SYNE2: variants seen among roughly 807,000 people sequenced by gnomAD.
SYNE2 encodes spectrin repeat containing nuclear envelope protein 2, also known as nesprin-2.
In SYNE2, 431 loss-of-function variants were observed where a neutral mutation model predicts 856.3. That is an observed-to-expected ratio of 0.50 (90% CI 0.47 to 0.55). The LOEUF is 0.55. SYNE2 is among the 20% of genes least tolerant of loss of function. SYNE2 has a pLI of 0.00. For missense variants in SYNE2, 8,129 were observed against 8,023.2 expected, an observed-to-expected ratio of 1.01 and a Z score of -0.50; for synonymous variants, 2,923 against 2,872.3, an observed-to-expected ratio of 1.02 and a Z score of -0.56.
chr14:63,911,424 A>G (rs2095472271), intron 2 of SYNE2, among the ~76,000 whole-genome samples: 2 of 152,182 alleles, frequency 1.3e-5, no homozygotes, highest in African/African-American at 4.8e-5. Flanking sequence ...TCTTCCCCAC[A>G]GCAGGGGACA....
At chr14:63,997,677 T>C (rs985424407) in intron 25 of SYNE2, among the ~76,000 whole-genome samples, 3 of 152,196 alleles carry the variant, frequency 2.0e-5, no homozygotes, top group Non-Finnish European at 2.9e-5. Context: ...ATATTGTTAT[T>C]GAGGGTAGAA....
At chr14:64,000,836 A>G (rs2096748311) in intron 28 of SYNE2, 117 bp downstream of exon 28, 2 of 909,422 alleles carry the variant, frequency 2.2e-6, no homozygotes, top group Non-Finnish European at 3.4e-6. Context: ...TGTCACAACA[A>G]CAGTAAGAGA....
At chr14:63,930,737 T>C (rs2095742568) in intron 2 of SYNE2, among the ~76,000 whole-genome samples, 1 of 152,172 alleles carries the variant, frequency 6.6e-6, no homozygotes, top group Non-Finnish European at 1.5e-5. Context: ...GGTTTCACCA[T>C]GTTGACCAGG....
chr14:64,002,862 G>A lies in SYNE2; in HGVS notation c.3929G>A (p.Gly1310Glu). ...CTGAAATACAAAACACAATTTGAAG[G>A]AATGAACCACAGGGTGCAGAGGAGT... The part of the protein sequence containing the change: ...IILKYKTQFE[G>E]MNHRVQRSED... The change falls in exon 30 of 116, where the codon GGA (glycine) becomes GAA (glutamate). Residue 1310 changes from glycine (G) to glutamate (E), a missense_variant. Gly to Glu is a moderately conservative substitution (Grantham distance 98). Transcript: ENST00000555002. 6.2e-7 allele frequency: 1 copy of A among 1,614,168 alleles called. No individual in the cohort carries two copies. The highest frequency in any genetic ancestry group is 2.2e-5 in the East Asian group (1 of 44,884).
intron 7 of SYNE2, among the ~76,000 whole-genome samples, chr14:63,953,431 G>C (rs2096194553): frequency 1.3e-5 from 2 of 152,206 alleles, no homozygotes; most frequent in Non-Finnish European, 2.9e-5. Context: ...GATGAGAGAA[G>C]CAGGCAGGGG....
chr14:64,090,321 ATAT>A (rs2097599573), intron 59 of SYNE2, among the ~76,000 whole-genome samples: 1 of 152,226 alleles, frequency 6.6e-6, no homozygotes, highest in South Asian at 2.1e-4. Context: ...AAATGAAATG[ATAT>A]TATATGAGAT....
chr14:64,194,818 G>A (rs542452975), intron 99 of SYNE2, among the ~76,000 whole-genome samples: 1 of 152,338 alleles, frequency 6.6e-6, no homozygotes, highest in East Asian at 1.9e-4. Context: ...CCAAAGCTCT[G>A]AAAAGACGGT....
chr14:64,181,211 C>G (rs1246733179), intron 96 of SYNE2, among the ~76,000 whole-genome samples: 1 of 152,024 alleles, frequency 6.6e-6, no homozygotes, highest in East Asian at 1.9e-4. Flanking sequence ...ATGATTCTAA[C>G]ATTTCACTGT....
chr14:64,143,999 A>G (rs1310961412), intron 83 of SYNE2, 51 bp downstream of exon 83: 5 of 1,609,240 alleles, frequency 3.1e-6, no homozygotes, highest in East Asian at 2.2e-5. Context: ...TATGAAACAC[A>G]CTTTCTGAAA....
At chr14:64,152,767 CTT>C in intron 85 of SYNE2, 51 bp downstream of exon 85, 1 of 1,609,368 alleles carries the variant, frequency 6.2e-7, no homozygotes, top group Non-Finnish European at 8.5e-7. Flanking sequence ...ATTCTTTTAC[CTT>C]ATTTGTCGTT....
At chr14:63,798,919 A>C (rs564609274) in intron 1 of SYNE2, among the ~76,000 whole-genome samples, 6 of 152,298 alleles carry the variant, frequency 3.9e-5, no homozygotes, top group African/African-American at 1.4e-4. Context: ...TGGATGCCAG[A>C]GATGACCCGA....
At chr14:64,167,952 C>T (rs569635921) in intron 92 of SYNE2, among the ~76,000 whole-genome samples, 20 of 152,290 alleles carry the variant, frequency 1.3e-4, no homozygotes, top group East Asian at 1.2e-3. Context: ...TAAAATACTT[C>T]GACTCATGTT....
At chr14:63,830,134 A>G (rs2139892512) in intron 1 of SYNE2, among the ~76,000 whole-genome samples, 1 of 152,276 alleles carries the variant, frequency 6.6e-6, no homozygotes, top group Non-Finnish European at 1.5e-5. Context: ...AGGACCATCC[A>G]TATATTATAT....
chr14:63,824,195 C>A (rs981568106), intron 1 of SYNE2, among the ~76,000 whole-genome samples: 2 of 151,974 alleles, frequency 1.3e-5, no homozygotes, highest in Non-Finnish European at 1.5e-5. Context: ...CAAAGTTAGC[C>A]GAGCATGGTA....
rs374039377 is a variant in SYNE2, at chr14:64,118,233, G to C, written c.12841-1194G>C. On this transcript the variant is annotated intron_variant, in intron 66 of 115. Coordinates refer to ENST00000555002, the MANE Select transcript of SYNE2 (RefSeq NM_182914.3). ...CTGGAATGTGAGTTTGTCTGTTGCT[G>C]CTGACGTGAGTGCCCAGCCAGCTGG... 2.0e-4 allele frequency among the ~76,000 whole-genome samples: 31 copies of C among 152,036 alleles called. No individual in the cohort carries two copies. The East Asian group carries it at 4.2e-3, about 21-fold the overall frequency.
intron 2 of SYNE2, among the ~76,000 whole-genome samples, chr14:63,923,955 C>T (rs1022953774): frequency 1.3e-5 from 2 of 150,846 alleles, no homozygotes; most frequent in African/African-American, 2.5e-5. Context: ...TGTGCCACCA[C>T]ACCTGGTTAA....
chr14:64,052,737 A>G lies in SYNE2; in HGVS notation c.8824A>G (p.Ile2942Val), dbSNP rs3829767. The G allele has an allele frequency of 0.84, 1,351,001 of 1,613,072 alleles. 575,689 individuals carry two copies. Among genetic ancestry groups the G allele is most frequent in the Non-Finnish European group, 0.88 (1,033,223 of 1,179,460 alleles). ...TACATGTAATGAAGTGGAACACAAGATAAAGTTTTGCAGACAATTCCATGA... is the reference window on the plus strand; with the variant it reads ...TACATGTAATGAAGTGGAACACAAGGTAAAGTTTTGCAGACAATTCCATGA... Reference protein sequence around the residue: ...QNTCNEVEHKIKFCRQFHEKT... With the variant: ...QNTCNEVEHKVKFCRQFHEKT... The change falls in exon 48 of 116, where the codon ATA (isoleucine) becomes GTA (valine). Residue 2942 changes from isoleucine (I) to valine (V), a missense_variant. Physicochemically the swap from Ile to Val is conservative, Grantham distance 29. Transcript: ENST00000555002.
chr14:64,009,517 C>G (rs1281734603), intron 31 of SYNE2, among the ~76,000 whole-genome samples: 1 of 108,968 alleles, frequency 9.2e-6, no homozygotes, highest in Non-Finnish European at 1.7e-5. Context: ...GCTTGGGTGA[C>G]AGAGCTAGAC....
At chr14:63,871,258 TG>T (rs1280442012) in intron 1 of SYNE2, among the ~76,000 whole-genome samples, 3 of 151,156 alleles carry the variant, frequency 2.0e-5, no homozygotes, top group Non-Finnish European at 4.4e-5. Context: ...CAGGCTGGAG[TG>T]CAATGGCTGG....
Sources: allele counts gnomAD v4.1 joint callset (sites outside exome capture counted in the v4.1 genomes callset), GRCh38; gene constraint gnomAD v4.1.1; transcripts MANE v1.5; gene names NCBI Gene and HGNC (gene_info 2026-07-23, HGNC 2026-07-21).